The following SLC8A1 variants were observed in gnomAD, a reference collection of about 807,000 sequenced individuals.
The protein encoded by SLC8A1 is sodium/calcium exchanger 1.
SLC8A1 carries 18 observed loss-of-function variants against 68.3 expected under a neutral mutation model. The ratio of observed to expected loss-of-function variants is 0.26; its 90% confidence interval spans 0.18 to 0.39. The LOEUF is 0.39. Ranked by LOEUF, SLC8A1 falls within the 10% of genes least tolerant of loss-of-function variation. The pLI, the probability that SLC8A1 is intolerant of heterozygous loss-of-function variation, is 1.00. For missense variants in SLC8A1, 985 were observed against 1,156.7 expected (o/e 0.85, Z 2.15); for synonymous variants, 475 against 415.5 (o/e 1.14, Z -1.74).
At chr2:40,317,747 TA>T (rs1186853689) in intron 2 of SLC8A1, among the ~76,000 whole-genome samples, 1 of 152,086 alleles carries the variant, frequency 6.6e-6, no homozygotes, top group Non-Finnish European at 1.5e-5. Context: ...TGCCCTTACT[TA>T]AAAAATTTAT....
intron 2 of SLC8A1, among the ~76,000 whole-genome samples, chr2:40,314,932 T>C (rs1029840555): frequency 6.6e-5 from 10 of 152,044 alleles, no homozygotes; most frequent in African/African-American, 2.2e-4. Flanking sequence ...AATCATGTTG[T>C]CTACGAATAC....
intron 2 of SLC8A1, among the ~76,000 whole-genome samples, chr2:40,264,609 C>G (rs1371568089): frequency 6.6e-6 from 1 of 152,082 alleles, no homozygotes; most frequent in East Asian, 1.9e-4. Flanking sequence ...GACAAAAAAC[C>G]AAACACCGCG....
intron 7 of SLC8A1, among the ~76,000 whole-genome samples, chr2:40,131,648 T>A (rs1255408754): frequency 1.3e-5 from 2 of 152,172 alleles, no homozygotes; most frequent in African/African-American, 2.4e-5. Flanking sequence ...AACACTGGAA[T>A]GTAATTTCCA....
intron 1 of SLC8A1, among the ~76,000 whole-genome samples, chr2:40,466,972 TAAAAA>T (rs10642728): frequency 7.0e-6 from 1 of 143,876 alleles, no homozygotes; most frequent in African/African-American, 2.6e-5. Flanking sequence ...ATGAGTTATC[TAAAAA>T]AAAAAAAAAA....
At chr2:40,316,014 T>G (rs1316329074) in intron 2 of SLC8A1, among the ~76,000 whole-genome samples, 1 of 152,028 alleles carries the variant, frequency 6.6e-6, no homozygotes, top group Admixed American at 6.6e-5. Flanking sequence ...AGGTTCTGCA[T>G]ACAAGCATCA....
chr2:40,259,203 A>G lies in SLC8A1; in HGVS notation c.1809-81348T>C, dbSNP rs77507557. Among the ~76,000 whole-genome samples the G allele has an allele frequency of 1.4e-4, 21 of 152,280 alleles. No individual in the cohort carries two copies. In the East Asian group the frequency reaches 3.1e-3, roughly 22 times the overall value. ...AGTAATGAGAGAAATTCTGTCTGTG[A>G]TATTCCTAGCTGATGTTCTGAGCTG... On this transcript the variant is annotated intron_variant, in intron 2 of 7. Transcript: ENST00000406785.
intron 2 of SLC8A1, among the ~76,000 whole-genome samples, chr2:40,237,951 A>C (rs1207712663): frequency 4.6e-5 from 7 of 151,246 alleles, no homozygotes; most frequent in Non-Finnish European, 7.4e-5. Context: ...TTGGGGAGGC[A>C]GTCTGCCCGT....
chr2:40,455,783 T>C (rs1439032957), upstream of SLC8A1, among the ~76,000 whole-genome samples: 3 of 152,236 alleles, frequency 2.0e-5, no homozygotes, highest in Non-Finnish European at 4.4e-5. Flanking sequence ...GTTAAACTTT[T>C]ACTTCTCTGT....
chr2:40,114,005 T>C (rs2034909366), exon 8 of SLC8A1: 1 of 152,768 alleles, frequency 6.5e-6, no homozygotes, highest in African/African-American at 2.4e-5. Flanking sequence ...TCCCTAGTAA[T>C]TAATCAAACT....
At chr2:40,219,047 T>C (rs572037918) in intron 2 of SLC8A1, among the ~76,000 whole-genome samples, 2 of 20,640 alleles carry the variant, frequency 9.7e-5, no homozygotes, top group East Asian at 4.1e-4. Flanking sequence ...TGGTCTGATA[T>C]AATCTCCATA....
chr2:40,237,894 G>T (rs1311303524), intron 2 of SLC8A1, among the ~76,000 whole-genome samples: 1 of 151,918 alleles, frequency 6.6e-6, no homozygotes, highest in Non-Finnish European at 1.5e-5. Flanking sequence ...CCTGCTGGGG[G>T]GTGCCTCCCA....
chr2:40,191,271 G>A (rs1215716873), intron 2 of SLC8A1, among the ~76,000 whole-genome samples: 2 of 152,092 alleles, frequency 1.3e-5, no homozygotes, highest in South Asian at 2.1e-4. Flanking sequence ...GACTCTCACC[G>A]AACTTTTCAC....
intron 4 of SLC8A1, among the ~76,000 whole-genome samples, chr2:40,169,127 A>T (rs1243327139): frequency 1.3e-5 from 2 of 152,218 alleles, no homozygotes; most frequent in Non-Finnish European, 2.9e-5. Context: ...CTGTATTTTG[A>T]AGCAGAGTCA....
intron 2 of SLC8A1, among the ~76,000 whole-genome samples, chr2:40,340,363 C>A (rs1472957748): frequency 6.6e-6 from 1 of 152,116 alleles, no homozygotes; most frequent in Non-Finnish European, 1.5e-5. Flanking sequence ...GAGTTTGAGA[C>A]CAGCCTGGCC....
chr2:40,485,991 A>G (rs753893741), intron 1 of SLC8A1, among the ~76,000 whole-genome samples: 3 of 152,206 alleles, frequency 2.0e-5, no homozygotes, highest in Non-Finnish European at 2.9e-5. Flanking sequence ...CTTGAATTGT[A>G]GTTCTCATAA....
At chr2:40,388,946 T>A (rs766367841) in intron 2 of SLC8A1, among the ~76,000 whole-genome samples, 2 of 152,136 alleles carry the variant, frequency 1.3e-5, no homozygotes, top group Non-Finnish European at 2.9e-5. Flanking sequence ...GAACAAAGGA[T>A]AACATAATGA....
At chr2:40,114,574 G>T (rs2034996966) in exon 8 of SLC8A1, 1 of 152,672 alleles carries the variant, frequency 6.5e-6, no homozygotes, top group African/African-American at 2.4e-5. Flanking sequence ...AGACTGCCAG[G>T]TATCACATGT....
At chr2:40,121,199 C>A (rs1384823229) in intron 7 of SLC8A1, among the ~76,000 whole-genome samples, 1 of 152,158 alleles carries the variant, frequency 6.6e-6, no homozygotes, top group Non-Finnish European at 1.5e-5. Context: ...TAATCAGACT[C>A]TCTGAGGACG....
chr2:40,346,508 G>C (rs964831252), intron 2 of SLC8A1, among the ~76,000 whole-genome samples: 4 of 152,098 alleles, frequency 2.6e-5, no homozygotes, highest in African/African-American at 9.7e-5. Context: ...TTCCTCCTAG[G>C]ACCATGCCGC....
Sources: gnomAD v4.1 joint callset for allele counts (sites outside exome capture counted in the v4.1 genomes callset) on GRCh38, gnomAD v4.1.1 for gene constraint, MANE v1.5 for transcripts, NCBI Gene and HGNC (gene_info 2026-07-23, HGNC 2026-07-21) for gene names.